RIN3: variants seen among roughly 807,000 people sequenced by gnomAD.
RIN3 encodes Ras and Rab interactor 3.
A neutral mutation model predicts 76.3 loss-of-function variants in RIN3; 54 were observed. The observed-to-expected ratio is 0.71, with a 90% confidence interval of 0.57 to 0.89. RIN3 has a LOEUF of 0.89. RIN3 is among the 40% of genes least tolerant of loss of function. The pLI, the probability that RIN3 is intolerant of heterozygous loss-of-function variation, is 0.00. For missense variants in RIN3, 1,256 were observed against 1,322.1 expected (o/e 0.95, Z 0.78); for synonymous variants, 576 against 564.0 (o/e 1.02, Z -0.30).
rs1389478343 is a variant in RIN3 at position 92,514,626 on chromosome 14, G to C, written c.44+650G>C. On this transcript the variant is annotated intron_variant, in intron 1 of 9. Coordinates refer to ENST00000216487, the MANE Select transcript of RIN3 (RefSeq NM_024832.5). The surrounding 1 kb of genome is among the most constrained non-coding windows in gnomAD (Gnocchi z 7.2). ...GGTCCAGGGCGCACGGGCTGCGCGC[G>C]GGCTGTGGATGCATGACGCCGAATG... Among the ~76,000 whole-genome samples, 1 of 152,236 alleles carries C rather than the reference G, an allele frequency of 6.6e-6. No homozygotes were observed. The highest frequency in any genetic ancestry group is 1.5e-5 in the Non-Finnish European group (1 of 68,042).
intron 2 of RIN3, among the ~76,000 whole-genome samples, chr14:92,557,301 G>A (rs1243883392): frequency 6.6e-6 from 1 of 152,214 alleles, no homozygotes; most frequent in Non-Finnish European, 1.5e-5. Context: ...CCCTCCCCCA[G>A]GGGACACAGT....
At chr14:92,658,159 C>A (rs1253574574) in intron 6 of RIN3, among the ~76,000 whole-genome samples, 4 of 152,232 alleles carry the variant, frequency 2.6e-5, no homozygotes, top group African/African-American at 9.6e-5. Context: ...GCTGGTCCAT[C>A]CTCAGAGTGG....
chr14:92,619,890 G>A (rs985417835), intron 4 of RIN3, among the ~76,000 whole-genome samples: 4 of 152,124 alleles, frequency 2.6e-5, no homozygotes, highest in East Asian at 1.9e-4. Context: ...AACAATTTTC[G>A]AAAGGCAAAG....
In RIN3 at chr14:92,652,182, CG is replaced by C; in HGVS notation, c.1134del (p.Lys379ArgfsTer19). 2 of 1,603,762 alleles carry C rather than the reference CG, an allele frequency of 1.2e-6. No homozygotes were observed. The highest frequency in any genetic ancestry group is 1.7e-6 in the Non-Finnish European group (2 of 1,173,500). On this transcript the variant is annotated frameshift_variant, in exon 6 of 10. Coordinates refer to ENST00000216487, the MANE Select transcript of RIN3 (RefSeq NM_024832.5). LOFTEE classifies it high-confidence loss of function. This position sits in a 1 kb window ranked among gnomAD's most constrained non-coding sequence, Gnocchi z 6.4. ...CAGGTCCCCGCCCCGCCACTGCCTG[CG>C]AAGAAGAACCTTCCCACTGCCCCTC... ...LQQVPAPPLP[A>X]KKNLPTAPPR...
chr14:92,546,606 G>A (rs1033937238), intron 1 of RIN3, among the ~76,000 whole-genome samples: 4 of 152,202 alleles, frequency 2.6e-5, no homozygotes, highest in African/African-American at 7.2e-5. Context: ...AAACGCGGGT[G>A]TTCAGGGAAT....
intron 3 of RIN3, among the ~76,000 whole-genome samples, chr14:92,594,233 G>A (rs1001043024): frequency 6.6e-6 from 1 of 152,104 alleles, no homozygotes; most frequent in Non-Finnish European, 1.5e-5. Flanking sequence ...GGGAGTTTGA[G>A]ACCACCCTGA....
chr14:92,623,841 G>A lies in RIN3; in HGVS notation c.440+8362G>A, dbSNP rs937987728. Among the ~76,000 whole-genome samples, 2 of 152,224 alleles carry A rather than the reference G, an allele frequency of 1.3e-5. No homozygotes were observed. The highest frequency in any genetic ancestry group is 4.8e-5 in the African/African-American group (2 of 41,460). On this transcript the variant is annotated intron_variant, in intron 4 of 9. Transcript: ENST00000216487. The surrounding 1 kb of genome is among the most constrained non-coding windows in gnomAD (Gnocchi z 4.9). The stretch of plus-strand genomic sequence containing the variant: ...AGAAACTCCAAATTTTTTCCCTGTC[G>A]TGAGAGACAGGAAGTAAACTTGGCA...
At chr14:92,553,925 C>T (rs892065584) in intron 1 of RIN3, among the ~76,000 whole-genome samples, 9 of 152,198 alleles carry the variant, frequency 5.9e-5, no homozygotes, top group Non-Finnish European at 1.0e-4. Context: ...GTTCCACTTT[C>T]CTGTGCCCTT....
intron 1 of RIN3, among the ~76,000 whole-genome samples, chr14:92,538,620 T>C (rs989606701): frequency 4.6e-5 from 7 of 152,188 alleles, no homozygotes; most frequent in Admixed American, 1.3e-4. Flanking sequence ...TAAAAGTATC[T>C]CTTTGAGATC....
chr14:92,598,320 A>C (rs1163977161), intron 3 of RIN3, among the ~76,000 whole-genome samples: 1 of 152,148 alleles, frequency 6.6e-6, no homozygotes, highest in East Asian at 1.9e-4. Flanking sequence ...GCATAAGCAA[A>C]AGTGCCTTGG....
chr14:92,573,005 C>T (rs1204200356), intron 2 of RIN3, among the ~76,000 whole-genome samples: 1 of 150,874 alleles, frequency 6.6e-6, no homozygotes, highest in East Asian at 1.9e-4. Context: ...CCTCAGCCTC[C>T]TGGGTAGTTG....
intron 3 of RIN3, among the ~76,000 whole-genome samples, chr14:92,591,959 C>T (rs985497331): frequency 6.6e-5 from 10 of 152,098 alleles, no homozygotes; most frequent in African/African-American, 2.4e-4. Flanking sequence ...CTTAATTGAC[C>T]TAACAGATAA....
intron 3 of RIN3, among the ~76,000 whole-genome samples, chr14:92,591,383 T>C (rs1884973623): frequency 6.6e-6 from 1 of 152,034 alleles, no homozygotes; most frequent in Admixed American, 6.6e-5. Context: ...ATAATGGGAA[T>C]TCCAGAAGGA....
At position 92,582,408 on chromosome 14, in the gene RIN3, T is replaced by TTGTG. The variant is rs147242654; in HGVS notation, c.367+4940_367+4943dup. Among the ~76,000 whole-genome samples the TTGTG allele has an allele frequency of 5.8e-3, 877 of 151,852 alleles. 9 individuals carry two copies. Among genetic ancestry groups the TTGTG allele is most frequent in the African/African-American group, 0.019 (797 of 41,400 alleles). On this transcript the variant is annotated intron_variant, in intron 3 of 9. Coordinates refer to ENST00000216487, the MANE Select transcript of RIN3 (RefSeq NM_024832.5). ...AAATACACAGGTGTCATCCGTAAGT[T>TTGTG]TGTGTGTGTGTGGTTTTGCTGTTTC...
chr14:92,521,421 G>T (rs1199318173), intron 1 of RIN3, among the ~76,000 whole-genome samples: 1 of 152,208 alleles, frequency 6.6e-6, no homozygotes, highest in African/African-American at 2.4e-5. Flanking sequence ...GATCCCCAGT[G>T]TTGGAGGTAG....
At chr14:92,556,048 C>T (rs1897570764) in intron 2 of RIN3, 93 bp downstream of exon 2, 1 of 1,038,608 alleles carries the variant, frequency 9.6e-7, no homozygotes, top group Non-Finnish European at 1.4e-6. Flanking sequence ...AGGGAAGCAG[C>T]TACCATGCAG....
intron 7 of RIN3, among the ~76,000 whole-genome samples, chr14:92,664,044 C>T (rs1288928323): frequency 6.6e-6 from 1 of 152,122 alleles, no homozygotes; most frequent in Non-Finnish European, 1.5e-5. Context: ...TGCCTCCCAG[C>T]CACGTTCCCA....
intron 3 of RIN3, among the ~76,000 whole-genome samples, chr14:92,581,696 G>A (rs1453439898): frequency 2.0e-5 from 3 of 152,134 alleles, no homozygotes; most frequent in Admixed American, 6.5e-5. Context: ...CATTGTATCT[G>A]GTTTCATGTC....
intron 7 of RIN3, among the ~76,000 whole-genome samples, chr14:92,675,086 A>G (rs1437534459): frequency 2.0e-5 from 3 of 152,174 alleles, no homozygotes; most frequent in Non-Finnish European, 2.9e-5. Flanking sequence ...TAAGAGTTAG[A>G]AAAATAATTT....
Sources: allele counts gnomAD v4.1 joint callset (sites outside exome capture counted in the v4.1 genomes callset), GRCh38; gene constraint gnomAD v4.1.1; non-coding constraint Gnocchi (gnomAD v3.1); transcripts MANE v1.5; gene names NCBI Gene and HGNC (gene_info 2026-07-23, HGNC 2026-07-21).